The following CHRNA4 variants were observed in gnomAD, a reference collection of about 807,000 sequenced individuals.
CHRNA4 encodes neuronal acetylcholine receptor subunit alpha-4.
In CHRNA4, 28 loss-of-function variants were observed where a neutral mutation model predicts 48.9. The ratio of observed to expected loss-of-function variants is 0.57; its 90% CI spans 0.42 to 0.79. CHRNA4 has a LOEUF of 0.79. CHRNA4 is among the 30% of genes least tolerant of loss of function. The pLI, the probability that CHRNA4 is intolerant of heterozygous loss-of-function variation, is 0.00. For synonymous variants in CHRNA4, 425 were observed against 402.3 expected (o/e 1.06, Z -0.68); for missense variants, 859 against 898.4 (o/e 0.96, Z 0.56).
rs1421927696 is a variant in CHRNA4, at chr20:63,355,512, C to T, written c.383+463G>A. The T allele has an allele frequency of 3.1e-6, 4 of 1,290,336 alleles. No individual in the cohort carries two copies. The Admixed American group carries it at 6.9e-5, about 22-fold the overall frequency. 79.9% of individuals were successfully genotyped at this position (1,290,336 alleles called of 1,614,324 possible). A position where few individuals can be genotyped will look rare whatever the true frequency, so the allele number is the denominator to read the frequency against. ...CTTCCTCACCCCTCTCCAGGGCACC[C>T]TGCAGTCCACACTATTCTCCCAGAA... On this transcript the variant is annotated intron_variant, in intron 4 of 5. Coordinates refer to ENST00000370263, the MANE Select transcript of CHRNA4 (RefSeq NM_000744.7).
Position 63,346,586 on chromosome 20 carries a change from C to T in CHRNA4, c.*152G>A. 1 of 1,117,894 alleles carries T rather than the reference C, an allele frequency of 8.9e-7. No individual in the cohort carries two copies. Among genetic ancestry groups the T allele is most frequent in the Non-Finnish European group, 1.3e-6 (1 of 768,372 alleles). 69.2% of individuals were successfully genotyped at this position (1,117,894 alleles called of 1,614,324 possible). The stretch of plus-strand genomic sequence containing the variant: ...CCAGAGGCCGTGTCCCCGTCCAAGG[C>T]CGTCTTACAGCAGACACAGAACAGG... On this transcript the variant is annotated 3_prime_UTR_variant, in exon 6 of 6. Coordinates refer to ENST00000370263, the MANE Select transcript of CHRNA4 (RefSeq NM_000744.7).
intron 4 of CHRNA4, among the ~76,000 whole-genome samples, chr20:63,351,530 GC>G (rs1284992251): frequency 6.6e-6 from 1 of 152,118 alleles, no homozygotes; most frequent in African/African-American, 2.4e-5. Context: ...CTATGTCCCC[GC>G]CCCTCCAAGC....
At chr20:63,354,620 C>T in intron 4 of CHRNA4, 2 of 790,686 alleles carry the variant, frequency 2.5e-6, no homozygotes, top group Non-Finnish European at 2.9e-6. Flanking sequence ...GGCTGTGGTC[C>T]TGGGGGTTTG....
At chr20:63,347,534 G>C (rs1274509841) in intron 5 of CHRNA4, among the ~76,000 whole-genome samples, 2 of 152,346 alleles carry the variant, frequency 1.3e-5, no homozygotes, top group East Asian at 3.9e-4. Context: ...ACCTCCCCCG[G>C]GTGACCCCCA....
At position 63,345,541 on chromosome 20, in the gene CHRNA4, T is replaced by C. The variant is rs1242693368; in HGVS notation, c.*1197A>G. The C allele has an allele frequency of 2.3e-6, 1 of 425,744 alleles. No homozygotes were observed. Among genetic ancestry groups the C allele is most frequent in the Non-Finnish European group, 4.8e-6 (1 of 206,268 alleles). 26.4% of individuals were successfully genotyped at this position (425,744 alleles called of 1,614,324 possible). ...GGAAACATTTCAGGCCTCCCTCACC[T>C]CTGGATACCGCCTGCAGGGGTGAGG... is the stretch of plus-strand genomic sequence containing the variant. On this transcript the variant is annotated 3_prime_UTR_variant, in exon 6 of 6. Coordinates refer to ENST00000370263, the MANE Select transcript of CHRNA4 (RefSeq NM_000744.7). This position sits in a 1 kb window ranked among gnomAD's most constrained non-coding sequence, Gnocchi z 5.4.
intron 4 of CHRNA4, among the ~76,000 whole-genome samples, chr20:63,353,718 T>TG (rs1195632352): frequency 4.7e-5 from 1 of 21,064 alleles, no homozygotes; most frequent in Non-Finnish European, 8.1e-5. Context: ...GCTGCGGTCC[T>TG]GGGGGGGCTG....
rs121912277 is a variant in CHRNA4 at position 63,350,038 on chromosome 20, G to T, written c.1373C>A (p.Pro458Gln). 1.3e-6 allele frequency: 2 copies of T among 1,515,576 alleles called. No homozygotes were observed. Among genetic ancestry groups the T allele is most frequent in the Admixed American group, 2.1e-5 (1 of 47,202 alleles). The allele number at this position is 1,515,576 out of a possible 1,614,324, so 93.9% of individuals were successfully genotyped here. A position where few individuals can be genotyped will look rare whatever the true frequency, so the allele number is the denominator to read the frequency against. The stretch of plus-strand genomic sequence containing the variant: ...GAGGGACCTGGCTTTGGCCAGCCCT[G>T]GTGCCTGGGTGCCGTGGGGCGGGCG... ...PCRPPHGTQA[P>Q]GLAKARSLSV... The change falls in exon 5 of 6, where the codon CCA (proline) becomes CAA (glutamine). Residue 458 changes from proline to glutamine, a missense_variant. Coordinates refer to ENST00000370263, the MANE Select transcript of CHRNA4 (RefSeq NM_000744.7).
At chr20:63,357,934 G>A (rs2068743858) in intron 2 of CHRNA4, among the ~76,000 whole-genome samples, 2 of 152,234 alleles carry the variant, frequency 1.3e-5, no homozygotes, top group Admixed American at 1.3e-4. Context: ...ACTCTGTGGT[G>A]GCGTAGGGAG....
intron 1 of CHRNA4, chr20:63,359,974 C>T: frequency 2.3e-6 from 1 of 431,598 alleles, no homozygotes; most frequent in Non-Finnish European, 4.3e-6. Flanking sequence ...CGGCTCTCTC[C>T]CACCCCTGGG....
chr20:63,359,007 C>T (rs1053991960), intron 2 of CHRNA4, among the ~76,000 whole-genome samples: 3 of 151,990 alleles, frequency 2.0e-5, no homozygotes, highest in African/African-American at 7.3e-5. Context: ...GACCAGTAGG[C>T]TTCCTCCCAG....
intron 1 of CHRNA4, 172 bp from the exon 2 acceptor site, chr20:63,359,871 G>GTGTGTGTGTGTGTGCGCCGGGCGTGCGC (rs2068782094): frequency 2.0e-6 from 1 of 511,542 alleles, no homozygotes; most frequent in African/African-American, 2.5e-5. Flanking sequence ...CGTGCGCTCT[G>GTGTGTGTGTGTGTGCGCCGGGCGTGCGC]TGTGTGTGTG....
At chr20:63,360,344 C>T (rs1377415779) in intron 1 of CHRNA4, among the ~76,000 whole-genome samples, 1 of 152,192 alleles carries the variant, frequency 6.6e-6, no homozygotes, top group Non-Finnish European at 1.5e-5. Context: ...AACGAGGTGC[C>T]AGCCCCCTCC....
At position 63,346,526 on chromosome 20, in the gene CHRNA4, C is replaced by T; in HGVS notation, c.*212G>A. The T allele has an allele frequency of 1.3e-6, 1 of 746,546 alleles. No individual in the cohort carries two copies. The highest frequency in any genetic ancestry group is 2.3e-6 in the Non-Finnish European group (1 of 431,838). 46.2% of individuals were successfully genotyped at this position (746,546 alleles called of 1,614,324 possible). ...TCCAAGCCACTGCCTCCTGAGGCCA[C>T]AGTCCAACTGGAAGCAGCTCCACAC... On this transcript the variant is annotated 3_prime_UTR_variant, in exon 6 of 6. Coordinates refer to ENST00000370263, the MANE Select transcript of CHRNA4 (RefSeq NM_000744.7).
intron 2 of CHRNA4, among the ~76,000 whole-genome samples, chr20:63,357,555 C>A (rs1009709419): frequency 6.6e-6 from 1 of 152,240 alleles, no homozygotes; most frequent in Non-Finnish European, 1.5e-5. Flanking sequence ...TGAGCTCACA[C>A]GTGCAGCTCA....
intron 4 of CHRNA4, among the ~76,000 whole-genome samples, chr20:63,352,426 A>G (rs2145392222): frequency 6.6e-6 from 1 of 152,044 alleles, no homozygotes; most frequent in East Asian, 1.9e-4. Context: ...CTGAGCCAAC[A>G]CCGCCGGCTG....
chr20:63,343,647 A>G lies in CHRNA4; in HGVS notation c.*3091T>C, dbSNP rs2068439189. The G allele has an allele frequency of 2.2e-6, 1 of 450,528 alleles. No individual in the cohort carries two copies. The highest frequency in any genetic ancestry group is 2.0e-5 in the African/African-American group (1 of 49,902). The allele number at this position is 450,528 out of a possible 1,614,324, so 27.9% of individuals were successfully genotyped here. A position where few individuals can be genotyped will look rare whatever the true frequency, so the allele number is the denominator to read the frequency against. On this transcript the variant is annotated 3_prime_UTR_variant, in exon 6 of 6. Coordinates refer to ENST00000370263, the MANE Select transcript of CHRNA4 (RefSeq NM_000744.7). ...CCCCAGGCCGGGCCACACGGGAAGC[A>G]CCCAGGCCGGTCCGGAGGCAGAAGG...
At chr20:63,359,918 T>TGCGC in intron 1 of CHRNA4, 1 of 396,788 alleles carries the variant, frequency 2.5e-6, no homozygotes, top group Non-Finnish European at 4.5e-6. Context: ...TGTGTGTGTG[T>TGCGC]GTGTGTGTGT....
chr20:63,350,998 A>T lies in CHRNA4; in HGVS notation c.413T>A (p.Leu138Gln), dbSNP rs1379403896. The change falls in exon 5 of 6, where the codon CTG becomes CAG. Residue 138 changes from leucine to glutamine, a missense_variant. This residue lies in a region of CHRNA4 where 342 missense variants were observed against 365.3 expected (regional missense o/e 0.94). Transcript: ENST00000370263. ...GTCATGGAACAGGTGGGCCTTGGTC[A>T]GGTGGGTGACCGCGAAGTCCCCGTC... The part of the protein sequence containing the change: ...NADGDFAVTH[L>Q]TKAHLFHDGR... 1 of 1,613,446 alleles carries T rather than the reference A, an allele frequency of 6.2e-7. No individual in the cohort carries two copies. The highest frequency in any genetic ancestry group is 8.5e-7 in the Non-Finnish European group (1 of 1,179,972).
chr20:63,356,302 G>A, intron 3 of CHRNA4, 69 bp downstream of exon 3: 2 of 1,397,052 alleles, frequency 1.4e-6, no homozygotes, highest in African/African-American at 1.6e-5. Context: ...GGCAGGGCCA[G>A]GACAGGGCAG....
Sources: gnomAD v4.1 joint callset for allele counts (sites outside exome capture counted in the v4.1 genomes callset) on GRCh38, gnomAD v4.1.1 for gene constraint, gnomAD v4.1.1 regional missense constraint, Gnocchi (gnomAD v3.1) non-coding constraint, MANE v1.5 for transcripts, NCBI Gene and HGNC (gene_info 2026-07-23, HGNC 2026-07-21) for gene names.